The following EPB41L1 variants were observed in gnomAD, a reference collection of about 807,000 sequenced individuals.
EPB41L1 encodes erythrocyte membrane protein band 4.1 like 1.
Under a neutral mutation model 97.8 loss-of-function variants are expected in EPB41L1, and 29 were observed. The observed-to-expected ratio is 0.30, with a 90% confidence interval of 0.22 to 0.40. The LOEUF is 0.40. Ranked by LOEUF, EPB41L1 falls within the 10% of genes least tolerant of loss-of-function variation. EPB41L1 has a pLI of 1.00. For synonymous variants in EPB41L1, 383 were observed against 459.2 expected (o/e 0.83, Z 2.12); for missense variants, 812 against 1,162.3 (o/e 0.70, Z 4.38).
At chr20:36,227,224 G>A (rs890337497) in intron 21 of EPB41L1, among the ~76,000 whole-genome samples, 2 of 152,118 alleles carry the variant, frequency 1.3e-5, no homozygotes, top group Admixed American at 6.5e-5. Context: ...AGTTGAAGCG[G>A]GAGGATTGCT....
chr20:36,125,168 G>C (rs185207818), intron 2 of EPB41L1, among the ~76,000 whole-genome samples: 1 of 152,168 alleles, frequency 6.6e-6, no homozygotes, highest in African/African-American at 2.4e-5. Context: ...CCCAGAGAGA[G>C]ACAGGCTGGG....
chr20:36,182,279 C>T lies in EPB41L1; in HGVS notation c.498C>T (p.Pro166=). The part of the protein sequence containing the change: ...KEIKKQIRSS[P]WNFAFTVKFY... ...TCTCCCATCTCCTCTCAGGTAGCCC[C>T]TGGAATTTTGCCTTCACAGTCAAGT... Residue 166 remains proline, a synonymous_variant, in exon 6 of 22, where the codon CCC becomes CCT. Coordinates refer to ENST00000338074, the MANE Select transcript of EPB41L1 (RefSeq NM_012156.2). 5 of 1,614,060 alleles carry T rather than the reference C, an allele frequency of 3.1e-6. No individual in the cohort carries two copies. Among genetic ancestry groups the T allele is most frequent in the Non-Finnish European group, 4.2e-6 (5 of 1,179,926 alleles).
intron 1 of EPB41L1, among the ~76,000 whole-genome samples, chr20:36,163,132 T>G (rs1422239425): frequency 6.6e-6 from 1 of 151,216 alleles, no homozygotes; most frequent in Non-Finnish European, 1.5e-5. Context: ...TCTTTCTGTT[T>G]TTTTTTTTTT....
intron 1 of EPB41L1, among the ~76,000 whole-genome samples, chr20:36,097,890 C>CCTGA (rs2147472493): frequency 6.6e-6 from 1 of 152,260 alleles, no homozygotes; most frequent in East Asian, 1.9e-4. Context: ...GGCCAAAGAG[C>CCTGA]CTGAGCAAGT....
chr20:36,178,737 C>T, intron 5 of EPB41L1, 65 bp downstream of exon 5: 10 of 1,507,746 alleles, frequency 6.6e-6, no homozygotes, highest in Non-Finnish European at 9.2e-6. Flanking sequence ...GAGAGCCCCC[C>T]TTGTACTGCT....
chr20:36,116,261 C>T (rs941816085), intron 2 of EPB41L1, among the ~76,000 whole-genome samples: 1 of 151,708 alleles, frequency 6.6e-6, no homozygotes, highest in Non-Finnish European at 1.5e-5. Flanking sequence ...AGGGAGGGAT[C>T]TCCAGGAAGG....
intron 12 of EPB41L1, among the ~76,000 whole-genome samples, chr20:36,194,758 C>T (rs2062111966): frequency 6.6e-6 from 1 of 152,090 alleles, no homozygotes; most frequent in Admixed American, 6.5e-5. Flanking sequence ...CAAGTGTGTC[C>T]CCTTCCTATT....
chr20:36,208,398 C>T (rs959668435), intron 14 of EPB41L1: 7 of 445,358 alleles, frequency 1.6e-5, no homozygotes, highest in African/African-American at 8.1e-5. Flanking sequence ...GCCAGCCCCT[C>T]GGGCCCTCAG....
At position 36,194,279 on chromosome 20, in the gene EPB41L1, T is replaced by A. The variant is rs1363686980; in HGVS notation, c.1368T>A (p.Asp456Glu). ...CAGGGCCTGACGGTGACAAGCGGGA[T>A]GAGGATGGCGAGTCTGGGGGGCAAC... is the stretch of plus-strand genomic sequence containing the variant. ...HDAGPDGDKR[D>E]EDGESGGQRS... Residue 456 changes from aspartate (D) to glutamate (E), a missense_variant, in exon 12 of 22, where the codon GAT becomes GAA. Physicochemically the swap from Asp to Glu is conservative, Grantham distance 45. Coordinates refer to ENST00000338074, the MANE Select transcript of EPB41L1 (RefSeq NM_012156.2). 6.2e-7 allele frequency: 1 copy of A among 1,614,024 alleles called. No individual in the cohort carries two copies. Among genetic ancestry groups the A allele is most frequent in the African/African-American group, 1.3e-5 (1 of 75,010 alleles).
In EPB41L1 at chr20:36,209,571, C is replaced by A; in HGVS notation, c.1752C>A (p.Asp584Glu). 1 of 1,614,100 alleles carries A rather than the reference C, an allele frequency of 6.2e-7. No homozygotes were observed. Among genetic ancestry groups the A allele is most frequent in the Admixed American group, 1.7e-5 (1 of 60,018 alleles). The part of the protein sequence containing the change: ...RAPESDTGDE[D>E]QDQERDTVFL... ...CAGAGAGTGACACAGGCGATGAGGACCAGGACCAGGAGAGGGACACGGTGT... is the reference window on the plus strand; with the variant it reads ...CAGAGAGTGACACAGGCGATGAGGAACAGGACCAGGAGAGGGACACGGTGT... Residue 584 changes from aspartate (D) to glutamate (E), a missense_variant, in exon 15 of 22, where the codon GAC becomes GAA. Asp to Glu is a conservative substitution (Grantham distance 45). Transcript: ENST00000338074. The surrounding 1 kb of genome is among the most constrained non-coding windows in gnomAD (Gnocchi z 4.2).
intron 2 of EPB41L1, among the ~76,000 whole-genome samples, chr20:36,144,513 T>G (rs2059765044): frequency 6.6e-6 from 1 of 152,174 alleles, no homozygotes; most frequent in Admixed American, 6.5e-5. Flanking sequence ...ACTCATTCCT[T>G]TAGAGGGCAT....
intron 19 of EPB41L1, among the ~76,000 whole-genome samples, chr20:36,220,808 C>T (rs1388381934): frequency 6.6e-6 from 1 of 152,150 alleles, no homozygotes; most frequent in African/African-American, 2.4e-5. Flanking sequence ...CGGGCTGATG[C>T]GTCCACACCT....
At chr20:36,106,525 G>A (rs1342635351) in intron 1 of EPB41L1, among the ~76,000 whole-genome samples, 1 of 152,174 alleles carries the variant, frequency 6.6e-6, no homozygotes, top group East Asian at 1.9e-4. Flanking sequence ...GAGGTTTGAG[G>A]GGTCAGTGAA....
chr20:36,102,046 A>AAAAAAAAC (rs1264034333), intron 1 of EPB41L1, among the ~76,000 whole-genome samples: 1 of 147,712 alleles, frequency 6.8e-6, no homozygotes, highest in African/African-American at 2.5e-5. Flanking sequence ...CAAAAAAAAC[A>AAAAAAAAC]AAAAAACCCA....
At position 36,207,253 on chromosome 20, in the gene EPB41L1, G is replaced by A. The variant is rs1481875196; in HGVS notation, c.1669-2235G>A. 1 of 1,278,078 alleles carries A rather than the reference G, an allele frequency of 7.8e-7. No individual in the cohort carries two copies. The highest frequency in any genetic ancestry group is 1.3e-5 in the South Asian group (1 of 79,844). 79.2% of individuals were successfully genotyped at this position (1,278,078 alleles called of 1,614,324 possible). ...GCCCAAGGACCAAGTAGGGTTTGTG[G>A]TGTCCCCTGCCACAGGAGGTGAGCG... On this transcript the variant is annotated intron_variant, in intron 14 of 21. Transcript: ENST00000338074. The surrounding 1 kb of genome is among the most constrained non-coding windows in gnomAD (Gnocchi z 4.9).
At chr20:36,222,178 T>A (rs2063820148) in intron 20 of EPB41L1, 100 bp from the exon 21 acceptor site, 13 of 1,172,242 alleles carry the variant, frequency 1.1e-5, no homozygotes. Flanking sequence ...TCTCTGGGCC[T>A]CAGTTTTTCC....
At chr20:36,115,277 AC>A (rs1369582854) in intron 2 of EPB41L1, among the ~76,000 whole-genome samples, 5 of 152,144 alleles carry the variant, frequency 3.3e-5, no homozygotes, top group Non-Finnish European at 7.3e-5. Flanking sequence ...CCATGCTCTG[AC>A]TATTGCATCT....
At chr20:36,153,669 C>T (rs548325960), upstream of EPB41L1, among the ~76,000 whole-genome samples, 2 of 152,256 alleles carry the variant, frequency 1.3e-5, no homozygotes, top group African/African-American at 4.8e-5. Flanking sequence ...TAGGAACGTC[C>T]AGCCCTTTCG....
At chr20:36,166,657 C>T (rs149521967) in intron 1 of EPB41L1, among the ~76,000 whole-genome samples, 26 of 152,230 alleles carry the variant, frequency 1.7e-4, no homozygotes, top group African/African-American at 4.6e-4. Flanking sequence ...GAGGCCAAGG[C>T]GAGCAGATTG....
Sources: allele counts gnomAD v4.1 joint callset (sites outside exome capture counted in the v4.1 genomes callset), GRCh38; gene constraint gnomAD v4.1.1; non-coding constraint Gnocchi (gnomAD v3.1); transcripts MANE v1.5; gene names NCBI Gene and HGNC (gene_info 2026-07-23, HGNC 2026-07-21).